Variants in EPS8L3 observed in about 807,000 individuals in gnomAD.
EPS8L3 encodes the protein epidermal growth factor receptor kinase substrate 8-like protein 3.
A neutral mutation model predicts 88.5 loss-of-function variants in EPS8L3; 80 were observed. The observed-to-expected ratio is 0.90, with a 90% confidence interval of 0.75 to 1.09. The LOEUF (loss-of-function observed/expected upper bound fraction) is 1.09. EPS8L3 is among the 50% of genes least tolerant of loss of function. The pLI, the probability that EPS8L3 is intolerant of heterozygous loss-of-function variation, is 0.00. For missense variants in EPS8L3, 721 were observed against 735.2 expected (o/e 0.98, Z 0.22); for synonymous variants, 286 against 291.0 (o/e 0.98, Z 0.18).
chr1:109,762,862 G>A lies in EPS8L3; in HGVS notation c.-25+960C>T, dbSNP rs572447968. ...AATGGTTTATAAACATGCCTCTGCC[G>A]CTGGGCTGTGCGCAGTCACAGAGGG... is the stretch of plus-strand genomic sequence containing the variant. On this transcript the variant is annotated intron_variant, in intron 1 of 18. Coordinates refer to ENST00000361965, the MANE Select transcript of EPS8L3 (RefSeq NM_133181.4). Among the ~76,000 whole-genome samples, 128 of 152,336 alleles carry A rather than the reference G, an allele frequency of 8.4e-4. 2 individuals carry two copies. The highest frequency in any genetic ancestry group is 5.0e-3 in the South Asian group (24 of 4,826).
intron 11 of EPS8L3, 27 bp from the exon 12 acceptor site, chr1:109,757,192 A>G (rs774783230): frequency 1.3e-6 from 2 of 1,577,570 alleles, no homozygotes; most frequent in Non-Finnish European, 1.7e-6. Context: ...AGGTGTCAGG[A>G]AGCCTAGGCT....
At chr1:109,757,720 A>G in intron 10 of EPS8L3, 82 bp downstream of exon 10, 1 of 1,505,838 alleles carries the variant, frequency 6.6e-7, no homozygotes, top group Admixed American at 1.7e-5. Context: ...AAGGCTTGGG[A>G]TGGTTGAGTC....
chr1:109,763,828 G>C lies in EPS8L3; in HGVS notation c.-31C>G, dbSNP rs989695914. The stretch of plus-strand genomic sequence containing the variant: ...CTGGGGGCCAGGCCCTTACCTGGGT[G>C]CCAGTGAAGGCCGGGTGCCTGGTCC... On this transcript the variant is annotated 5_prime_UTR_variant, in exon 1 of 19. Transcript: ENST00000361965. 3.3e-5 allele frequency: 5 copies of C among 152,834 alleles called. No homozygotes were observed. Among genetic ancestry groups the C allele is most frequent in the African/African-American group, 1.2e-4 (5 of 41,458 alleles). 9.5% of individuals were successfully genotyped at this position (152,834 alleles called of 1,614,324 possible). A position where few individuals can be genotyped will look rare whatever the true frequency, so the allele number is the denominator to read the frequency against.
At chr1:109,758,808 C>G in intron 6 of EPS8L3, 145 bp from the exon 7 acceptor site, 1 of 657,298 alleles carries the variant, frequency 1.5e-6, no homozygotes, top group South Asian at 2.8e-5. Context: ...TCTGGACCCA[C>G]CCCTGACTCC....
Position 109,751,773 on chromosome 1 carries a change from G to C in EPS8L3, c.1444C>G (p.His482Asp), listed in dbSNP as rs1174536497. The C allele has an allele frequency of 1.9e-6, 3 of 1,613,372 alleles. No homozygotes were observed. In the Admixed American group the frequency reaches 5.0e-5, roughly 27 times the overall value. The change falls in exon 16 of 19, where the codon CAC becomes GAC. Residue 482 changes from histidine (H) to aspartate (D), a missense_variant. Physicochemically the swap from His to Asp is moderately conservative, Grantham distance 81 (BLOSUM62 -1). Transcript: ENST00000361965. Reference protein sequence around the residue: ...VQGEKLEVLDHSKRWWLVKNE... With the variant: ...VQGEKLEVLDDSKRWWLVKNE... The stretch of plus-strand genomic sequence containing the variant: ...TTCACCAGCCACCACCGCTTGCTGT[G>C]GTCCAGAACCTGCCAAGAGTCACCA...
Position 109,757,180 on chromosome 1 carries a change from G to A in EPS8L3, c.970-15C>T, listed in dbSNP as rs976937193. On this transcript the variant is annotated splice_polypyrimidine_tract_variant and intron_variant, in intron 11 of 18. Coordinates refer to ENST00000361965, the MANE Select transcript of EPS8L3 (RefSeq NM_133181.4). ...CTGGCCAGGATCTAGGGGAGAGATG[G>A]AAGGTGTCAGGAAGCCTAGGCTCCC... 3 of 1,594,690 alleles carry A rather than the reference G, an allele frequency of 1.9e-6. No homozygotes were observed. The highest frequency in any genetic ancestry group is 2.6e-6 in the Non-Finnish European group (3 of 1,169,150).
chr1:109,757,264 G>T, intron 11 of EPS8L3, 99 bp from the exon 12 acceptor site: 1 of 1,389,592 alleles, frequency 7.2e-7, no homozygotes, highest in Non-Finnish European at 9.7e-7. Flanking sequence ...TTTTGCAATG[G>T]TAGGATGTTA....
chr1:109,753,305 T>C, intron 12 of EPS8L3, 107 bp from the exon 13 acceptor site: 2 of 871,750 alleles, frequency 2.3e-6, no homozygotes, highest in Non-Finnish European at 3.5e-6. Flanking sequence ...CAGGAATCTT[T>C]TGGCTAATAG....
At chr1:109,751,938 T>C in intron 15 of EPS8L3, 57 bp downstream of exon 15, 1 of 1,563,458 alleles carries the variant, frequency 6.4e-7, no homozygotes. Flanking sequence ...CACCCTTGGC[T>C]GCCTGTAGCT....
rs773079668 is a variant in EPS8L3 at position 109,751,702 on chromosome 1, C to T, written c.1515G>A (p.Glu505=). 1 of 1,613,954 alleles carries T rather than the reference C, an allele frequency of 6.2e-7. No homozygotes were observed. Among genetic ancestry groups the T allele is most frequent in the East Asian group, 2.2e-5 (1 of 44,842 alleles). ...TCCCAGGGGTCCCCGGCTGTAGGGG[C>T]TCCAGGATGTTGCTTGGAATGTAGC... ...RSGYIPSNIL[E]PLQPGTPGTQ... The change falls in exon 16 of 19, where the codon GAG becomes GAA. Residue 505 remains glutamate, a synonymous_variant. Coordinates refer to ENST00000361965, the MANE Select transcript of EPS8L3 (RefSeq NM_133181.4).
rs1055451883 is a variant in EPS8L3, at chr1:109,760,001, G to A, written c.97-165C>T. ...AGCAACTTTCCAGGGCCAATGTGAG[G>A]GACGGTGTCGAAGCACTGGGGCCAG... On this transcript the variant is annotated intron_variant, in intron 3 of 18. Coordinates refer to ENST00000361965, the MANE Select transcript of EPS8L3 (RefSeq NM_133181.4). 9 of 690,222 alleles carry A rather than the reference G, an allele frequency of 1.3e-5. No homozygotes were observed. In the African/African-American group the frequency reaches 1.6e-4, roughly 12 times the overall value. 42.8% of individuals were successfully genotyped at this position (690,222 alleles called of 1,614,324 possible).
At chr1:109,758,467 A>G in intron 7 of EPS8L3, 36 bp from the exon 8 acceptor site, 1 of 1,568,852 alleles carries the variant, frequency 6.4e-7, no homozygotes, top group South Asian at 1.2e-5. Flanking sequence ...TAGATCTTAG[A>G]TCTTTGACTT....
rs764556523 is a variant in EPS8L3, at chr1:109,759,659, G to A, written c.255+19C>T. ...CACAGCCCAGGCTGGCTATCACTGGGTTTGCTGGGAAGGCTGACCTTGGTC... is the reference window on the plus strand; with the variant it reads ...CACAGCCCAGGCTGGCTATCACTGGATTTGCTGGGAAGGCTGACCTTGGTC... On this transcript the variant is annotated intron_variant, in intron 4 of 18. Transcript: ENST00000361965. This position sits in a 1 kb window ranked among gnomAD's most constrained non-coding sequence, Gnocchi z 4.2. 1.9e-6 allele frequency: 3 copies of A among 1,611,694 alleles called. No homozygotes were observed. The highest frequency in any genetic ancestry group is 2.2e-5 in the East Asian group (1 of 44,884).
Position 109,751,790 on chromosome 1 carries a change from G to C in EPS8L3, c.1435-8C>G. On this transcript the variant is annotated splice_polypyrimidine_tract_variant and splice_region_variant and intron_variant, in intron 15 of 18. Coordinates refer to ENST00000361965, the MANE Select transcript of EPS8L3 (RefSeq NM_133181.4). ...CTTGCTGTGGTCCAGAACCTGCCAA[G>C]AGTCACCACCTCAGTCCCCTGAGCC... The C allele has an allele frequency of 6.2e-7, 1 of 1,613,072 alleles. No individual in the cohort carries two copies. Among genetic ancestry groups the C allele is most frequent in the Non-Finnish European group, 8.5e-7 (1 of 1,179,964 alleles).
At chr1:109,755,091 A>G (rs1349196929) in intron 12 of EPS8L3, among the ~76,000 whole-genome samples, 3 of 152,262 alleles carry the variant, frequency 2.0e-5, no homozygotes, top group African/African-American at 7.2e-5. Context: ...TGATAGATGA[A>G]TGAATCGTGA....
At chr1:109,761,672 G>A in intron 2 of EPS8L3, 47 bp downstream of exon 2, 1 of 1,611,986 alleles carries the variant, frequency 6.2e-7, no homozygotes, top group South Asian at 1.1e-5. Context: ...GGGACATTCT[G>A]GGGGCTCAGT....
chr1:109,758,148 A>G (rs1247897700), intron 8 of EPS8L3, 90 bp from the exon 9 acceptor site: 9 of 1,345,304 alleles, frequency 6.7e-6, no homozygotes, highest in Admixed American at 1.7e-5. Context: ...CCCCACCACA[A>G]GCCCCAGCCT....
In EPS8L3 at chr1:109,751,725, A is replaced by T; in HGVS notation, c.1492T>A (p.Tyr498Asn). The T allele has an allele frequency of 6.2e-7, 1 of 1,613,684 alleles. No homozygotes were observed. The highest frequency in any genetic ancestry group is 8.5e-7 in the Non-Finnish European group (1 of 1,179,958). The change falls in exon 16 of 19, where the codon TAC (tyrosine) becomes AAC (asparagine). Residue 498 changes from tyrosine to asparagine, a missense_variant. Coordinates refer to ENST00000361965, the MANE Select transcript of EPS8L3 (RefSeq NM_133181.4). ...LVKNEAGRSG[Y>N]IPSNILEPLQ... ...GGCTCCAGGATGTTGCTTGGAATGT[A>T]GCCGCTCCGTCCCGCCTCATTCTTC...
Position 109,759,959 on chromosome 1 carries a change from T to C in EPS8L3, c.97-123A>G. 1 of 1,073,744 alleles carries C rather than the reference T, an allele frequency of 9.3e-7. No individual in the cohort carries two copies. Among genetic ancestry groups the C allele is most frequent in the South Asian group, 1.6e-5 (1 of 62,382 alleles). The allele number at this position is 1,073,744 out of a possible 1,614,324, so 66.5% of individuals were successfully genotyped here. A position where few individuals can be genotyped will look rare whatever the true frequency, so the allele number is the denominator to read the frequency against. ...TCCTCGGCCCCCTTGAGGTAGGAGG[T>C]TCCAGGCTTCAGATAAAGCAACTTT... is the stretch of plus-strand genomic sequence containing the variant. On this transcript the variant is annotated intron_variant, in intron 3 of 18. Coordinates refer to ENST00000361965, the MANE Select transcript of EPS8L3 (RefSeq NM_133181.4). The surrounding 1 kb of genome is among the most constrained non-coding windows in gnomAD (Gnocchi z 4.2).
Sources: allele counts gnomAD v4.1 joint callset (sites outside exome capture counted in the v4.1 genomes callset), GRCh38; gene constraint gnomAD v4.1.1; non-coding constraint Gnocchi (gnomAD v3.1); transcripts MANE v1.5; gene names NCBI Gene and HGNC (gene_info 2026-07-23, HGNC 2026-07-21).